PCED1A: variants seen among roughly 807,000 people sequenced by gnomAD.
PCED1A encodes the protein PC-esterase domain-containing protein 1A.
In PCED1A, 20 loss-of-function variants were observed where a neutral mutation model predicts 41.9. The ratio of observed to expected loss-of-function variants is 0.48; its 90% CI spans 0.34 to 0.69. PCED1A has a LOEUF of 0.69. Among genes scored for constraint, PCED1A ranks in the 30% least tolerant of loss-of-function variants. The pLI is 0.01. For missense variants in PCED1A, 498 were observed against 602.1 expected, an observed-to-expected ratio of 0.83 and a Z score of 1.81; for synonymous variants, 236 against 241.3, an observed-to-expected ratio of 0.98 and a Z score of 0.20.
At chr20:2,836,465 CCT>C (rs1434927105) in intron 6 of PCED1A, 151 bp from the exon 7 acceptor site, 14 of 705,398 alleles carry the variant, frequency 2.0e-5, no homozygotes, top group Middle Eastern at 8.1e-4. Context: ...TTCCTCATTC[CCT>C]CTCATTTCAG....
Position 2,839,061 on chromosome 20 carries a change from C to A in PCED1A, c.226G>T (p.Asp76Tyr), listed in dbSNP as rs1460671665. ...KAKGELSFEQDQLVAGGQLGE... is the reference protein window; with the variant it reads ...KAKGELSFEQYQLVAGGQLGE... ...AGCTGGCCCCCAGCCACCAGCTGGT[C>A]CTGTTCAAAGCTCAGCTCCCCCTAC... Residue 76 changes from aspartate (D) to tyrosine (Y), a missense_variant, in exon 4 of 8, where the codon GAC becomes TAC. Physicochemically the swap from Asp to Tyr is radical, Grantham distance 160. This residue lies in a region of PCED1A where 253 missense variants were observed against 369.7 expected (regional missense o/e 0.68). Transcript: ENST00000360652. The A allele has an allele frequency of 6.2e-7, 1 of 1,613,326 alleles. No homozygotes were observed.
At position 2,836,240 on chromosome 20, in the gene PCED1A, C is replaced by A. The variant is rs759110127; in HGVS notation, c.916G>T (p.Glu306Ter). The A allele has an allele frequency of 6.2e-7, 1 of 1,614,042 alleles. No individual in the cohort carries two copies. The highest frequency in any genetic ancestry group is 8.5e-7 in the Non-Finnish European group (1 of 1,179,988). The stretch of plus-strand genomic sequence containing the variant: ...GGGGGTGGGAGCAAGGCCAGGTGCT[C>A]CCCGAAGTCTGGGGTCTGCCTATGG... The part of the protein sequence containing the change: ...GSHRQTPDFG[E>*]HLALLPPPPS... The change falls in exon 7 of 8, where the codon GAG becomes TAG. Residue 306 changes from glutamate to a stop codon, truncating the protein, a stop_gained. Transcript: ENST00000360652. LOFTEE classifies it high-confidence loss of function.
At position 2,836,315 on chromosome 20, in the gene PCED1A, C is replaced by A. The variant is rs1386835228; in HGVS notation, c.842-1G>T. Reference sequence around the variant, plus strand: ...TCTGCCCAGTCCTCAATCCACGGGTCTAGGAATGGGATGGTTGTTTTAGGT... The same window carrying A: ...TCTGCCCAGTCCTCAATCCACGGGTATAGGAATGGGATGGTTGTTTTAGGT... On this transcript the variant is annotated splice_acceptor_variant, in intron 6 of 7. Transcript: ENST00000360652. LOFTEE classifies it high-confidence loss of function. 6.2e-7 allele frequency: 1 copy of A among 1,613,454 alleles called. No individual in the cohort carries two copies. The highest frequency in any genetic ancestry group is 8.5e-7 in the Non-Finnish European group (1 of 1,179,552).
rs539775001 is a variant in PCED1A, at chr20:2,840,409, T to A, written c.-220A>T. On this transcript the variant is annotated 5_prime_UTR_variant, in exon 1 of 8. It removes an upstream start codon present in the reference 5' UTR. Transcript: ENST00000360652. ...ACAGCCCAGCGCCCAGCGCTCTCCA[T>A]GCGAGCGTCGCTGTGGCCCCGACGG... 8.9e-5 allele frequency: 33 copies of A among 372,690 alleles called. No homozygotes were observed. The highest frequency in any genetic ancestry group is 8.7e-4 in the South Asian group (32 of 36,642). 23.1% of individuals were successfully genotyped at this position (372,690 alleles called of 1,614,324 possible). A position where few individuals can be genotyped will look rare whatever the true frequency, so the allele number is the denominator to read the frequency against.
In PCED1A at chr20:2,839,831, G is replaced by T. The variant is rs780664416; in HGVS notation, c.82C>A (p.Gln28Lys). The T allele has an allele frequency of 6.2e-7, 1 of 1,614,214 alleles. No homozygotes were observed. Among genetic ancestry groups the T allele is most frequent in the South Asian group, 1.1e-5 (1 of 91,086 alleles). ...ACCACGAACTTGTTGTGTAGCAGCTGCTGGACTTCCGAGGCCTGGAAGTGG... is the reference window on the plus strand; with the variant it reads ...ACCACGAACTTGTTGTGTAGCAGCTTCTGGACTTCCGAGGCCTGGAAGTGG... ...MVHFQASEVQ[Q>K]LLHNKFVVIL... Residue 28 changes from glutamine to lysine, a missense_variant, in exon 2 of 8, where the codon CAG (glutamine) becomes AAG (lysine). Around this residue, in one of 2 missense-constraint regions of PCED1A, gnomAD observed 253 missense variants for 369.7 expected, o/e 0.68. Transcript: ENST00000360652.
Position 2,838,136 on chromosome 20 carries a change from T to C in PCED1A, c.841+96A>G. On this transcript the variant is annotated intron_variant, in intron 6 of 7. Transcript: ENST00000360652. The surrounding 1 kb of genome is among the most constrained non-coding windows in gnomAD (Gnocchi z 5.8). Reference sequence around the variant, plus strand: ...CCACAGGAGTCCTTCAAGGGACCTCTACTTCCCTTGAGTGGCTGTGTCCCA... The same window carrying C: ...CCACAGGAGTCCTTCAAGGGACCTCCACTTCCCTTGAGTGGCTGTGTCCCA... 6.4e-7 allele frequency: 1 copy of C among 1,566,624 alleles called. No homozygotes were observed. Among genetic ancestry groups the C allele is most frequent in the African/African-American group, 1.3e-5 (1 of 74,210 alleles).
rs2088834178 is a variant in PCED1A, at chr20:2,836,280, A to G, written c.876T>C (p.His292=). Residue 292 remains histidine, a synonymous_variant, in exon 7 of 8, where the codon CAT becomes CAC. Coordinates refer to ENST00000360652, the MANE Select transcript of PCED1A (RefSeq NM_022760.6). ...PWIEDWAEMN[H]PFQGSHRQTP... ...TCTGCCTATGGCTTCCCTGGAATGG[A>G]TGATTCATCTCTGCCCAGTCCTCAA... 2 of 1,613,970 alleles carry G rather than the reference A, an allele frequency of 1.2e-6. No homozygotes were observed. Among genetic ancestry groups the G allele is most frequent in the Non-Finnish European group, 1.7e-6 (2 of 1,180,024 alleles).
Position 2,838,578 on chromosome 20 carries a change from T to G in PCED1A, c.594+18A>C, listed in dbSNP as rs767640037. On this transcript the variant is annotated intron_variant, in intron 5 of 7. Transcript: ENST00000360652. The surrounding 1 kb of genome is among the most constrained non-coding windows in gnomAD (Gnocchi z 5.8). Reference sequence around the variant, plus strand: ...TCTGCTATCCCATCTCTTGTCCTGATGGGCCTCAGTCACTTGCCTCTGGCA... The same window carrying G: ...TCTGCTATCCCATCTCTTGTCCTGAGGGGCCTCAGTCACTTGCCTCTGGCA... 3.7e-6 allele frequency: 6 copies of G among 1,614,202 alleles called. No homozygotes were observed. In the East Asian group the frequency reaches 1.3e-4, roughly 36 times the overall value.
intron 6 of PCED1A, among the ~76,000 whole-genome samples, chr20:2,836,552 G>A (rs1202099041): frequency 6.6e-6 from 1 of 152,122 alleles, no homozygotes; most frequent in East Asian, 1.9e-4. Context: ...TCCCTCCAGA[G>A]CCTTCTTTGT....
rs909702434 is a variant in PCED1A, at chr20:2,838,246, C to T, written c.827G>A (p.Arg276His). Reference sequence around the variant, plus strand: ...GTAGGGCTCACCAGGGGGATAGCCACGCTTGGGCAGCTCCACGCCCCAGGC... The same window carrying T: ...GTAGGGCTCACCAGGGGGATAGCCATGCTTGGGCAGCTCCACGCCCCAGGC... ...ADAWGVELPKRGYPPDPWIED... is the reference protein window; with the variant it reads ...ADAWGVELPKHGYPPDPWIED... The change falls in exon 6 of 8, where the codon CGT becomes CAT. Residue 276 changes from arginine (R) to histidine (H), a missense_variant. Arg to His is a conservative substitution (Grantham distance 29). Coordinates refer to ENST00000360652, the MANE Select transcript of PCED1A (RefSeq NM_022760.6). This position sits in a 1 kb window ranked among gnomAD's most constrained non-coding sequence, Gnocchi z 5.8. 23 of 1,614,082 alleles carry T rather than the reference C, an allele frequency of 1.4e-5. No homozygotes were observed. Among genetic ancestry groups the T allele is most frequent in the East Asian group, 4.5e-5 (2 of 44,894 alleles).
At chr20:2,840,658 T>G, upstream of PCED1A, 1 of 1,167,440 alleles carries the variant, frequency 8.6e-7, no homozygotes, top group Admixed American at 2.0e-5. Context: ...ACAGTGGTGA[T>G]GGCCGCGGCG....
At position 2,839,864 on chromosome 20, in the gene PCED1A, C is replaced by T; in HGVS notation, c.49G>A (p.Asp17Asn). 1.2e-6 allele frequency: 2 copies of T among 1,614,144 alleles called. No homozygotes were observed. The highest frequency in any genetic ancestry group is 1.7e-5 in the Admixed American group (1 of 60,028). The change falls in exon 2 of 8, where the codon GAC becomes AAC. Residue 17 changes from aspartate to asparagine, a missense_variant. Coordinates refer to ENST00000360652, the MANE Select transcript of PCED1A (RefSeq NM_022760.6). ...TCCGAGGCCTGGAAGTGGACCATGT[C>T]GCTTCGCAGCGGGCGGCGCGGCTCC... ...SEEPRRPLRS[D>N]MVHFQASEVQ... is the part of the protein sequence containing the mutation.
At position 2,835,674 on chromosome 20, in the gene PCED1A, G is replaced by A. The variant is rs138736783; in HGVS notation, c.1153C>T (p.Leu385=). ...GPGVNFVPGP[L]PPPIPGPNPH... Reference sequence around the variant, plus strand: ...TTAGGGCCAGGGATTGGAGGTGGCAGAGGGCCAGGCACAAAGTTCACTCCA... The same window carrying A: ...TTAGGGCCAGGGATTGGAGGTGGCAAAGGGCCAGGCACAAAGTTCACTCCA... Residue 385 remains leucine, a synonymous_variant, in exon 8 of 8, where the codon CTG becomes TTG. Transcript: ENST00000360652. The A allele has an allele frequency of 2.3e-4, 361 of 1,582,524 alleles. 1 individual carries two copies. The highest frequency in any genetic ancestry group is 1.4e-3 in the Middle Eastern group (8 of 5,920).
chr20:2,840,917 CT>C, upstream of PCED1A: 1 of 1,260,226 alleles, frequency 7.9e-7, no homozygotes, highest in Non-Finnish European at 1.1e-6. Context: ...CCTGTCACTA[CT>C]GGCGCTGGGG....
At chr20:2,841,045 C>T (rs2088965326), upstream of PCED1A, 2 of 568,796 alleles carry the variant, frequency 3.5e-6, no homozygotes, top group South Asian at 4.2e-5. Flanking sequence ...ACAGTGGTCA[C>T]CCCGAAGCCC....
At chr20:2,836,416 G>C in intron 6 of PCED1A, 102 bp from the exon 7 acceptor site, 2 of 1,050,520 alleles carry the variant, frequency 1.9e-6, no homozygotes, top group Non-Finnish European at 1.5e-6. Context: ...TTGGAGAGCA[G>C]AGCCACCAGG....
chr20:2,840,879 C>G, upstream of PCED1A: 1 of 1,513,844 alleles, frequency 6.6e-7, no homozygotes. Flanking sequence ...GCTCGCCCGC[C>G]GGCTGGAGTC....
In PCED1A at chr20:2,835,724, G is replaced by A. The variant is rs1169846540; in HGVS notation, c.1118-15C>T. 1.3e-6 allele frequency: 2 copies of A among 1,532,282 alleles called. No individual in the cohort carries two copies. The highest frequency in any genetic ancestry group is 2.3e-5 in the East Asian group (1 of 43,800). 94.9% of individuals were successfully genotyped at this position (1,532,282 alleles called of 1,614,324 possible). Reference sequence around the variant, plus strand: ...AGGGCCACATCCTACAAAAGAACCAGTCATTATAAGAGCAGGCTTCTGGCC... The same window carrying A: ...AGGGCCACATCCTACAAAAGAACCAATCATTATAAGAGCAGGCTTCTGGCC... On this transcript the variant is annotated splice_polypyrimidine_tract_variant and intron_variant, in intron 7 of 7. Coordinates refer to ENST00000360652, the MANE Select transcript of PCED1A (RefSeq NM_022760.6).
At chr20:2,835,765 C>G (rs1005192850) in intron 7 of PCED1A, 56 bp from the exon 8 acceptor site, 6 of 1,510,528 alleles carry the variant, frequency 4.0e-6, no homozygotes, top group African/African-American at 2.8e-5. Flanking sequence ...GAGTGCAGCT[C>G]TGCCTTGAAG....
Sources: allele counts gnomAD v4.1 joint callset (sites outside exome capture counted in the v4.1 genomes callset), GRCh38; gene constraint gnomAD v4.1.1; regional missense constraint gnomAD v4.1.1; non-coding constraint Gnocchi (gnomAD v3.1); transcripts MANE v1.5; gene names NCBI Gene and HGNC (gene_info 2026-07-23, HGNC 2026-07-21).